ITGAX: variants seen among roughly 807,000 people sequenced by gnomAD.
ITGAX encodes integrin alpha-X.
A neutral mutation model predicts 140.2 loss-of-function variants in ITGAX; 99 were observed. The observed-to-expected ratio is 0.71, with a 90% CI of 0.60 to 0.83. The LOEUF (loss-of-function observed/expected upper bound fraction) is 0.83, where lower values mean the gene tolerates loss of function less well. Ranked by LOEUF, ITGAX falls within the 40% of genes least tolerant of loss-of-function variation. The pLI is 0.00. For missense variants in ITGAX, 1,444 were observed against 1,482.0 expected (o/e 0.97, Z 0.42); for synonymous variants, 631 against 600.4 (o/e 1.05, Z -0.75).
chr16:31,368,572 ACTTT>A (rs1597073560), intron 14 of ITGAX, among the ~76,000 whole-genome samples: 1 of 150,696 alleles, frequency 6.6e-6, no homozygotes, highest in African/African-American at 2.4e-5. Context: ...ATTGACTCCA[ACTTT>A]CTTTTTTTAT....
At chr16:31,357,386 G>T (rs765497772) in intron 5 of ITGAX, 22 bp downstream of exon 5, 19 of 1,488,032 alleles carry the variant, frequency 1.3e-5, no homozygotes, top group South Asian at 3.6e-5. Flanking sequence ...GACCACCAAG[G>T]CTTTGAGGAG....
chr16:31,372,789 G>A, intron 19 of ITGAX, 119 bp downstream of exon 19: 1 of 1,023,980 alleles, frequency 9.8e-7, no homozygotes, highest in Non-Finnish European at 1.5e-6. Flanking sequence ...CAGGTGTCTT[G>A]GCTGGGCACA....
At chr16:31,355,751 G>T in intron 1 of ITGAX, 142 bp from the exon 2 acceptor site, 1 of 677,434 alleles carries the variant, frequency 1.5e-6, no homozygotes, top group East Asian at 2.5e-5. Context: ...AGGAGAGAAG[G>T]GGATGAGTTG....
chr16:31,365,138 A>G (rs2080880029), intron 14 of ITGAX, among the ~76,000 whole-genome samples: 1 of 152,212 alleles, frequency 6.6e-6, no homozygotes, highest in African/African-American at 2.4e-5. Flanking sequence ...TTCAGGCCAA[A>G]TGTCCAGAAC....
At chr16:31,369,583 C>T (rs1160550106) in intron 14 of ITGAX, among the ~76,000 whole-genome samples, 1 of 152,222 alleles carries the variant, frequency 6.6e-6, no homozygotes, top group Non-Finnish European at 1.5e-5. Context: ...GTGTCACCAT[C>T]AGGCAAGACC....
Position 31,372,485 on chromosome 16 carries a change from T to G in ITGAX, c.2268T>G (p.Asp756Glu). Reference protein sequence around the residue: ...FRNLRPMLAADAQRYFTASLP... With the variant: ...FRNLRPMLAAEAQRYFTASLP... Reference sequence around the variant, plus strand: ...ACCTGCGGCCTATGCTGGCCGCCGATGCTCAGAGATACTTCACGGCCTCCG... The same window carrying G: ...ACCTGCGGCCTATGCTGGCCGCCGAGGCTCAGAGATACTTCACGGCCTCCG... The change falls in exon 18 of 30, where the codon GAT (aspartate) becomes GAG (glutamate). Residue 756 changes from aspartate (D) to glutamate (E), a missense_variant. Physicochemically the swap from Asp to Glu is conservative, Grantham distance 45. Coordinates refer to ENST00000268296, the MANE Select transcript of ITGAX (RefSeq NM_000887.5). 1 of 1,607,596 alleles carries G rather than the reference T, an allele frequency of 6.2e-7. No individual in the cohort carries two copies. Among genetic ancestry groups the G allele is most frequent in the Non-Finnish European group, 8.5e-7 (1 of 1,178,400 alleles).
At position 31,355,954 on chromosome 16, in the gene ITGAX, C is replaced by T. The variant is rs768036129; in HGVS notation, c.99C>T (p.Asp33=). The T allele has an allele frequency of 2.5e-6, 4 of 1,613,810 alleles. No individual in the cohort carries two copies. The East Asian group carries it at 6.7e-5, about 27-fold the overall frequency. Residue 33 remains aspartate, a synonymous_variant, in exon 2 of 30, where the codon GAC becomes GAT. Transcript: ENST00000268296. Reference sequence around the variant, plus strand: ...AGGAGCTGACAGCCTTCCGTGTGGACAGCGCTGGGTTTGGAGACAGCGTGG... The same window carrying T: ...AGGAGCTGACAGCCTTCCGTGTGGATAGCGCTGGGTTTGGAGACAGCGTGG... The part of the protein sequence containing the change: ...DTEELTAFRV[D]SAGFGDSVVQ...
rs1384060239 is a variant in ITGAX at position 31,382,671 on chromosome 16, G to T, written c.*764G>T. The T allele has an allele frequency of 1.6e-6, 1 of 616,276 alleles. No individual in the cohort carries two copies. Among genetic ancestry groups the T allele is most frequent in the Non-Finnish European group, 3.0e-6 (1 of 338,838 alleles). The allele number at this position is 616,276 out of a possible 1,614,324, so 38.2% of individuals were successfully genotyped here. A position where few individuals can be genotyped will look rare whatever the true frequency, so the allele number is the denominator to read the frequency against. Reference sequence around the variant, plus strand: ...CAGTTCCGATTTCCCAGGCTGAATTGGGAGTGAGATGCCTGCATGCTGGGT... The same window carrying T: ...CAGTTCCGATTTCCCAGGCTGAATTTGGAGTGAGATGCCTGCATGCTGGGT... On this transcript the variant is annotated 3_prime_UTR_variant, in exon 30 of 30. Coordinates refer to ENST00000268296, the MANE Select transcript of ITGAX (RefSeq NM_000887.5).
chr16:31,355,391 G>A (rs922178982), intron 1 of ITGAX, 100 bp downstream of exon 1: 3 of 1,292,738 alleles, frequency 2.3e-6, no homozygotes, highest in African/African-American at 3.0e-5. Flanking sequence ...ATCTGGGTAG[G>A]AAGAGAGACT....
Position 31,382,833 on chromosome 16 carries a change from T to G in ITGAX, c.*926T>G. 3.2e-6 allele frequency: 1 copy of G among 308,316 alleles called. No homozygotes were observed. The highest frequency in any genetic ancestry group is 6.0e-6 in the Non-Finnish European group (1 of 166,682). The allele number at this position is 308,316 out of a possible 1,614,324, so 19.1% of individuals were successfully genotyped here. A position where few individuals can be genotyped will look rare whatever the true frequency, so the allele number is the denominator to read the frequency against. The stretch of plus-strand genomic sequence containing the variant: ...AGAAGAGACCCAACCACTTCTATTT[T>G]TTGAGGCTATGAATATAGTACCTGA... On this transcript the variant is annotated 3_prime_UTR_variant, in exon 30 of 30. Coordinates refer to ENST00000268296, the MANE Select transcript of ITGAX (RefSeq NM_000887.5).
intron 14 of ITGAX, among the ~76,000 whole-genome samples, chr16:31,368,780 G>T (rs902117953): frequency 1.3e-5 from 2 of 151,542 alleles, no homozygotes; most frequent in Non-Finnish European, 2.9e-5. Context: ...GTGTCCCTGG[G>T]TACTTGAGAT....
Position 31,373,327 on chromosome 16 carries a change from C to G in ITGAX, c.2445C>G (p.Tyr815Ter). The change falls in exon 20 of 30, where the codon TAC becomes TAG. Residue 815 changes from tyrosine to a stop codon, truncating the protein, a stop_gained. Coordinates refer to ENST00000268296, the MANE Select transcript of ITGAX (RefSeq NM_000887.5). LOFTEE classifies it high-confidence loss of function. ...VMVWNDGEDS[Y>*]GTTITFSHPA... ...TGTGGAATGACGGGGAAGACTCCTA[C>G]GGAACCACCATCACCTTCTCCCACC... 6.2e-7 allele frequency: 1 copy of G among 1,613,702 alleles called. No homozygotes were observed.
chr16:31,366,748 C>T (rs943419663), intron 14 of ITGAX, among the ~76,000 whole-genome samples: 34 of 152,134 alleles, frequency 2.2e-4, no homozygotes, highest in Non-Finnish European at 4.4e-5. Context: ...ATTCCTGACT[C>T]TAAGTGATCT....
At chr16:31,375,957 G>C (rs369881236) in intron 20 of ITGAX, among the ~76,000 whole-genome samples, 1 of 152,160 alleles carries the variant, frequency 6.6e-6, no homozygotes, top group Non-Finnish European at 1.5e-5. Context: ...CAGTATATTG[G>C]TATATTAAGG....
chr16:31,373,219 A>G, intron 19 of ITGAX, 30 bp from the exon 20 acceptor site: 1 of 1,588,518 alleles, frequency 6.3e-7, no homozygotes, highest in Non-Finnish European at 8.6e-7. Flanking sequence ...TCACAGAATC[A>G]TCTTCTCCTT....
intron 4 of ITGAX, 47 bp from the exon 5 acceptor site, chr16:31,357,206 G>T: frequency 6.5e-7 from 1 of 1,543,094 alleles, no homozygotes; most frequent in Non-Finnish European, 8.8e-7. Context: ...GAATGTGAGG[G>T]TGGGAGGAAG....
intron 14 of ITGAX, among the ~76,000 whole-genome samples, chr16:31,364,132 AG>A (rs1173632956): frequency 1.3e-5 from 2 of 152,176 alleles, no homozygotes; most frequent in African/African-American, 4.8e-5. Flanking sequence ...GTTAAAAAAT[AG>A]GCAAAGGGGC....
chr16:31,382,412 G>C lies in ITGAX; in HGVS notation c.*505G>C. 1 of 1,533,570 alleles carries C rather than the reference G, an allele frequency of 6.5e-7. No homozygotes were observed. The highest frequency in any genetic ancestry group is 1.4e-5 in the African/African-American group (1 of 72,926). The allele number at this position is 1,533,570 out of a possible 1,614,324, so 95.0% of individuals were successfully genotyped here. A position where few individuals can be genotyped will look rare whatever the true frequency, so the allele number is the denominator to read the frequency against. On this transcript the variant is annotated 3_prime_UTR_variant, in exon 30 of 30. Transcript: ENST00000268296. ...AGGCACACGCCACCTCGCCCGGCCC[G>C]ATCTTTCTAAAATACAGTTCTGAAT...
chr16:31,372,566 G>C (rs756929765), intron 18 of ITGAX, 31 bp from the exon 19 acceptor site: 2 of 1,613,940 alleles, frequency 1.2e-6, no homozygotes, highest in East Asian at 2.2e-5. Context: ...CCTGGGTCTC[G>C]GAGAAAACCC....
Sources: gnomAD v4.1 joint callset for allele counts (sites outside exome capture counted in the v4.1 genomes callset) on GRCh38, gnomAD v4.1.1 for gene constraint, MANE v1.5 for transcripts, NCBI Gene and HGNC (gene_info 2026-07-23, HGNC 2026-07-21) for gene names.